Variants in DOCK8 observed in about 807,000 individuals in gnomAD.
DOCK8 encodes the protein dedicator of cytokinesis protein 8.
Under a neutral mutation model 245.6 loss-of-function variants are expected in DOCK8, and 141 were observed. The observed-to-expected ratio is 0.57, with a 90% CI of 0.50 to 0.66. The LOEUF is 0.66. Among genes scored for constraint, DOCK8 ranks in the 30% least tolerant of loss-of-function variants. The pLI is 0.00. For synonymous variants in DOCK8, 1,168 were observed against 970.2 expected (o/e 1.20, Z -3.79); for missense variants, 2,965 against 2,603.4 (o/e 1.14, Z -3.02).
At chr9:283,474 C>G (rs1473217610) in intron 2 of DOCK8, among the ~76,000 whole-genome samples, 1 of 152,086 alleles carries the variant, frequency 6.6e-6, no homozygotes, top group Non-Finnish European at 1.5e-5. Flanking sequence ...GTGGTAAAGT[C>G]TGGACTTTTA....
At chr9:326,338 A>G (rs1164572651) in intron 8 of DOCK8, among the ~76,000 whole-genome samples, 5 of 152,222 alleles carry the variant, frequency 3.3e-5, no homozygotes, top group East Asian at 1.9e-4. Context: ...CATCTCCTGC[A>G]TAAATATTAA....
At chr9:341,325 C>G (rs893350739) in intron 14 of DOCK8, among the ~76,000 whole-genome samples, 1 of 152,206 alleles carries the variant, frequency 6.6e-6, no homozygotes, top group East Asian at 1.9e-4. Context: ...TCCATGGGGT[C>G]TGGAAGGAGT....
chr9:298,049 G>C (rs1323362124), intron 4 of DOCK8, among the ~76,000 whole-genome samples: 2 of 152,170 alleles, frequency 1.3e-5, no homozygotes, highest in African/African-American at 4.8e-5. Flanking sequence ...AAGAAAGCAA[G>C]CATCATTTGT....
intron 29 of DOCK8, among the ~76,000 whole-genome samples, chr9:417,074 C>G (rs1472282378): frequency 1.3e-5 from 2 of 152,138 alleles, no homozygotes; most frequent in Non-Finnish European, 2.9e-5. Context: ...GTGGACAGAT[C>G]ACTTGAGGCC....
At chr9:400,187 T>A (rs867389100) in intron 26 of DOCK8, among the ~76,000 whole-genome samples, 1 of 25,666 alleles carries the variant, frequency 3.9e-5, no homozygotes, top group Non-Finnish European at 8.1e-5. Context: ...ACCACCTCCT[T>A]CACCATCACC....
At chr9:250,012 C>A (rs1480774657) in intron 1 of DOCK8, among the ~76,000 whole-genome samples, 1 of 152,112 alleles carries the variant, frequency 6.6e-6, no homozygotes, top group Non-Finnish European at 1.5e-5. Flanking sequence ...AAGGCCCTAT[C>A]CCTTATTCTA....
At chr9:303,178 A>G (rs563686262) in intron 4 of DOCK8, among the ~76,000 whole-genome samples, 172 of 152,164 alleles carry the variant, frequency 1.1e-3, no homozygotes, top group Middle Eastern at 0.01. Flanking sequence ...AAAAAAGGCA[A>G]AAATTAACAT....
In DOCK8 at chr9:429,758, A is replaced by C; in HGVS notation, c.4530A>C (p.Gln1510His). 1 of 1,614,202 alleles carries C rather than the reference A, an allele frequency of 6.2e-7. No individual in the cohort carries two copies. Among genetic ancestry groups the C allele is most frequent in the Non-Finnish European group, 8.5e-7 (1 of 1,180,038 alleles). ...EVEQCFDLCH[Q>H]VLHHCSSSMD... is the part of the protein sequence containing the mutation. ...AACAGTGTTTCGACCTATGTCACCA[A>C]GTCCTGCACCACTGCAGCAGCAGCA... The change falls in exon 36 of 48, where the codon CAA becomes CAC. Residue 1510 changes from glutamine (Q) to histidine (H), a missense_variant. Coordinates refer to ENST00000432829, the MANE Select transcript of DOCK8 (RefSeq NM_203447.4).
At chr9:390,837 A>G (rs2054160775) in intron 24 of DOCK8, among the ~76,000 whole-genome samples, 1 of 152,124 alleles carries the variant, frequency 6.6e-6, no homozygotes. Flanking sequence ...TCGCAGTGAC[A>G]TCCTCTTTTT....
At chr9:255,668 CAAAAAAAAAAAAAAAA>C (rs71317282) in intron 1 of DOCK8, among the ~76,000 whole-genome samples, 1 of 23,504 alleles carries the variant, frequency 4.3e-5, no homozygotes, top group Non-Finnish European at 7.6e-5. Context: ...ACTCCATCTC[CAAAAAAAAAAAAAAAA>C]AAAAAAAAAC....
intron 1 of DOCK8, among the ~76,000 whole-genome samples, chr9:216,537 C>CAAAAAAAAAAA (rs59529982): frequency 2.3e-3 from 203 of 88,860 alleles, no homozygotes; most frequent in African/African-American, 3.8e-3. Flanking sequence ...AAAAAACAGA[C>CAAAAAAAAAAA]AAAAAAAAAA....
chr9:289,450 G>T, intron 3 of DOCK8, 60 bp from the exon 4 acceptor site: 1 of 1,318,838 alleles, frequency 7.6e-7, no homozygotes, highest in Non-Finnish European at 1.1e-6. Flanking sequence ...CTCATGATTA[G>T]GGGTTGTTTT....
At chr9:327,735 G>T (rs192762822) in intron 8 of DOCK8, among the ~76,000 whole-genome samples, 1 of 152,252 alleles carries the variant, frequency 6.6e-6, no homozygotes, top group East Asian at 1.9e-4. Context: ...TGAGAGCAGA[G>T]GTCCTCCTCT....
At chr9:277,574 A>G (rs930585697) in intron 2 of DOCK8, among the ~76,000 whole-genome samples, 2 of 151,922 alleles carry the variant, frequency 1.3e-5, no homozygotes, top group Non-Finnish European at 2.9e-5. Flanking sequence ...CGAGAGGACA[A>G]GAGAAGAAAG....
chr9:274,653 C>T (rs2048275672), intron 2 of DOCK8, among the ~76,000 whole-genome samples: 1 of 134,976 alleles, frequency 7.4e-6, no homozygotes, highest in Admixed American at 7.6e-5. Flanking sequence ...TGGTGATTTC[C>T]TTTTACCTTT....
At chr9:361,609 A>T (rs2052734253) in intron 14 of DOCK8, among the ~76,000 whole-genome samples, 1 of 152,162 alleles carries the variant, frequency 6.6e-6, no homozygotes, top group Non-Finnish European at 1.5e-5. Context: ...AGTCTCCATA[A>T]ATCCCATCTC....
At chr9:365,140 C>T (rs2052920640) in intron 14 of DOCK8, among the ~76,000 whole-genome samples, 1 of 152,220 alleles carries the variant, frequency 6.6e-6, no homozygotes, top group African/African-American at 2.4e-5. Context: ...TTGGGAAACC[C>T]TTGTAGGGGA....
In DOCK8 at chr9:304,697, C is replaced by T; in HGVS notation, c.521C>T (p.Ala174Val). 6.2e-7 allele frequency: 1 copy of T among 1,614,156 alleles called. No homozygotes were observed. Residue 174 changes from alanine (A) to valine (V), a missense_variant, in exon 5 of 48, where the codon GCT (alanine) becomes GTT (valine). Physicochemically the swap from Ala to Val is moderately conservative, Grantham distance 64 (BLOSUM62 0). Transcript: ENST00000432829. ...ESETLECSEP[A>V]AQAGPRHLNV... is the part of the protein sequence containing the mutation. Reference sequence around the variant, plus strand: ...GAAACCTTGGAGTGCAGTGAACCCGCTGCTCAGGTATTTCCTGTCAACAAA... The same window carrying T: ...GAAACCTTGGAGTGCAGTGAACCCGTTGCTCAGGTATTTCCTGTCAACAAA...
intron 1 of DOCK8, among the ~76,000 whole-genome samples, chr9:217,467 A>G (rs1292188167): frequency 6.6e-6 from 1 of 152,206 alleles, no homozygotes; most frequent in Admixed American, 6.5e-5. Context: ...AAAATATGTG[A>G]TGAAATCTGA....
Sources: allele counts gnomAD v4.1 joint callset (sites outside exome capture counted in the v4.1 genomes callset), GRCh38; gene constraint gnomAD v4.1.1; transcripts MANE v1.5; gene names NCBI Gene and HGNC (gene_info 2026-07-23, HGNC 2026-07-21).